Variants in GLB1L2 observed in about 807,000 individuals in gnomAD.
GLB1L2 encodes galactosidase beta 1 like 2.
Under a neutral mutation model 84.1 loss-of-function variants are expected in GLB1L2, and 68 were observed. That is an observed-to-expected ratio of 0.81 (90% CI 0.67 to 0.99). GLB1L2 has a LOEUF of 0.99. Among genes scored for constraint, GLB1L2 ranks in the 50% least tolerant of loss-of-function variants. The pLI is 0.00. For synonymous variants in GLB1L2, 290 were observed against 318.0 expected, an observed-to-expected ratio of 0.91 and a Z score of 0.94; for missense variants, 762 against 805.6, an observed-to-expected ratio of 0.95 and a Z score of 0.66.
intron 2 of GLB1L2, 56 bp downstream of exon 2, chr11:134,343,007 C>T: frequency 6.5e-7 from 1 of 1,534,946 alleles, no homozygotes; most frequent in Non-Finnish European, 8.8e-7. Flanking sequence ...CGCCTGGTGT[C>T]TGCATGCGAA....
chr11:134,347,640 G>A (rs762478062), intron 5 of GLB1L2, among the ~76,000 whole-genome samples: 96 of 152,298 alleles, frequency 6.3e-4, no homozygotes, highest in Non-Finnish European at 1.2e-3. Context: ...ACTTGGGTGC[G>A]TTACTGAAAG....
chr11:134,341,677 G>T (rs143482990), intron 1 of GLB1L2, among the ~76,000 whole-genome samples: 1 of 152,332 alleles, frequency 6.6e-6, no homozygotes, highest in East Asian at 1.9e-4. Flanking sequence ...GTAGGAAGGA[G>T]TAGGTAAAAA....
Position 134,364,391 on chromosome 11 carries a change from AC to A in GLB1L2, c.798del (p.Asn266LysfsTer10), listed in dbSNP as rs1463001140. On this transcript the variant is annotated frameshift_variant, in exon 8 of 19. Transcript: ENST00000535456. LOFTEE classifies it high-confidence loss of function. ...CAGCTACTGACCACCTTTCTCTTCA[AC>A]GTCCAGGTAAGTCCAGCCCCAGGGA... ...ELQLLTTFLF[N>X]VQGTQPKMVM... 6.2e-7 allele frequency: 1 copy of A among 1,613,782 alleles called. No homozygotes were observed. Among genetic ancestry groups the A allele is most frequent in the Non-Finnish European group, 8.5e-7 (1 of 1,179,712 alleles).
chr11:134,370,160 G>T lies in GLB1L2; in HGVS notation c.1109-133G>T. On this transcript the variant is annotated intron_variant, in intron 11 of 18. Coordinates refer to ENST00000535456, the MANE Select transcript of GLB1L2 (RefSeq NM_001370461.1). This position sits in a 1 kb window ranked among gnomAD's most constrained non-coding sequence, Gnocchi z 4.7. ...CCTCCCTGGCCTCAGCAGGTGCTGA[G>T]AGCTAGCCTGTTGTTCCTCTTGGTG... 1.2e-6 allele frequency: 1 copy of T among 825,628 alleles called. No homozygotes were observed. The highest frequency in any genetic ancestry group is 1.5e-5 in the South Asian group (1 of 65,520). The allele number at this position is 825,628 out of a possible 1,614,324, so 51.1% of individuals were successfully genotyped here.
At chr11:134,366,125 G>A (rs1222003091) in intron 8 of GLB1L2, among the ~76,000 whole-genome samples, 1 of 152,220 alleles carries the variant, frequency 6.6e-6, no homozygotes, top group East Asian at 1.9e-4. Flanking sequence ...TGGCCCATGG[G>A]TGGACACCCA....
At chr11:134,332,177 G>A in intron 1 of GLB1L2, 30 bp downstream of exon 1, 3 of 1,447,428 alleles carry the variant, frequency 2.1e-6, no homozygotes, top group Non-Finnish European at 9.4e-7. Flanking sequence ...AGCACCTGCC[G>A]GACCCCACAT....
At position 134,370,192 on chromosome 11, in the gene GLB1L2, C is replaced by A; in HGVS notation, c.1109-101C>A. 4.1e-6 allele frequency: 4 copies of A among 970,884 alleles called. No individual in the cohort carries two copies. The highest frequency in any genetic ancestry group is 2.8e-5 in the South Asian group (2 of 71,404). 60.1% of individuals were successfully genotyped at this position (970,884 alleles called of 1,614,324 possible). A position where few individuals can be genotyped will look rare whatever the true frequency, so the allele number is the denominator to read the frequency against. On this transcript the variant is annotated intron_variant, in intron 11 of 18. Coordinates refer to ENST00000535456, the MANE Select transcript of GLB1L2 (RefSeq NM_001370461.1). This position sits in a 1 kb window ranked among gnomAD's most constrained non-coding sequence, Gnocchi z 4.7. Reference sequence around the variant, plus strand: ...CCTGTTGTTCCTCTTGGTGCTGGGACGCAGGAGCACATCGGGTCTGTGGAT... The same window carrying A: ...CCTGTTGTTCCTCTTGGTGCTGGGAAGCAGGAGCACATCGGGTCTGTGGAT...
At chr11:134,340,299 C>T (rs1943443456) in intron 1 of GLB1L2, among the ~76,000 whole-genome samples, 1 of 152,058 alleles carries the variant, frequency 6.6e-6, no homozygotes, top group African/African-American at 2.4e-5. Context: ...TGTGCATGTG[C>T]ATGTGTGTGT....
At position 134,370,472 on chromosome 11, in the gene GLB1L2, G is replaced by C. The variant is rs191930443; in HGVS notation, c.1215+73G>C. The C allele has an allele frequency of 7.4e-6, 9 of 1,215,982 alleles. No homozygotes were observed. The East Asian group carries it at 2.1e-4, about 28-fold the overall frequency. The allele number at this position is 1,215,982 out of a possible 1,614,324, so 75.3% of individuals were successfully genotyped here. ...GTCGTTGGCAGGGAGGTGAGTGCTG[G>C]GGGCAGTCGTCGGCGGGAGGTGAGA... On this transcript the variant is annotated intron_variant, in intron 12 of 18. Coordinates refer to ENST00000535456, the MANE Select transcript of GLB1L2 (RefSeq NM_001370461.1). The surrounding 1 kb of genome is among the most constrained non-coding windows in gnomAD (Gnocchi z 4.7).
intron 14 of GLB1L2, 96 bp downstream of exon 14, chr11:134,371,588 C>A: frequency 9.8e-7 from 1 of 1,015,552 alleles, no homozygotes; most frequent in Non-Finnish European, 1.6e-6. Context: ...ACCCGTGGCT[C>A]CTTACCCACA....
chr11:134,347,367 C>A lies in GLB1L2; in HGVS notation c.492C>A (p.Tyr164Ter). The A allele has an allele frequency of 6.2e-7, 1 of 1,614,176 alleles. No individual in the cohort carries two copies. The highest frequency in any genetic ancestry group is 1.1e-5 in the South Asian group (1 of 91,080). Residue 164 changes from tyrosine (Y) to a stop codon, truncating the protein, a stop_gained, in exon 5 of 19, where the codon TAC (tyrosine) becomes TAA (stop). Coordinates refer to ENST00000535456, the MANE Select transcript of GLB1L2 (RefSeq NM_001370461.1). LOFTEE classifies it high-confidence loss of function. ...CTGGCATGAGGCTGAGGACAACTTA[C>A]AAGGGCTTCACCGAAGCAGTGGACC... ...QDPGMRLRTT[Y>*]KGFTEAVDLY...
At chr11:134,358,809 TC>T (rs1232359983) in intron 6 of GLB1L2, among the ~76,000 whole-genome samples, 1 of 152,244 alleles carries the variant, frequency 6.6e-6, no homozygotes, top group South Asian at 2.1e-4. Flanking sequence ...ACCTTCCAGA[TC>T]CGGAGCAACC....
intron 7 of GLB1L2, chr11:134,361,608 C>T (rs764507348): frequency 1.3e-5 from 2 of 152,540 alleles, no homozygotes; most frequent in South Asian, 2.1e-4. Context: ...CCCCTGGTGC[C>T]GCTTTCTCTT....
At chr11:134,362,429 C>T (rs1259398746) in intron 7 of GLB1L2, among the ~76,000 whole-genome samples, 1 of 152,216 alleles carries the variant, frequency 6.6e-6, no homozygotes, top group Non-Finnish European at 1.5e-5. Flanking sequence ...CGCTACCCAG[C>T]AGCTTAGGAA....
intron 5 of GLB1L2, among the ~76,000 whole-genome samples, chr11:134,348,986 C>T (rs1427304588): frequency 6.6e-6 from 1 of 152,178 alleles, no homozygotes; most frequent in Non-Finnish European, 1.5e-5. Context: ...CTCTGAATAC[C>T]GTCACAGTGG....
intron 5 of GLB1L2, among the ~76,000 whole-genome samples, chr11:134,349,760 C>T (rs1943600761): frequency 6.6e-6 from 1 of 152,168 alleles, no homozygotes; most frequent in African/African-American, 2.4e-5. Context: ...GTCTTCTGCT[C>T]ATTTTTGAAT....
chr11:134,374,104 G>A, intron 16 of GLB1L2, 41 bp from the exon 17 acceptor site: 1 of 1,445,844 alleles, frequency 6.9e-7, no homozygotes, highest in Non-Finnish European at 9.7e-7. Flanking sequence ...GGTGGATTGA[G>A]AAGGGCCTCC....
At chr11:134,356,150 G>A (rs938990304) in intron 5 of GLB1L2, 151 bp from the exon 6 acceptor site, 12 of 744,028 alleles carry the variant, frequency 1.6e-5, no homozygotes, top group Non-Finnish European at 2.4e-5. Context: ...CAAGGGCCTA[G>A]TGCTTCTTCC....
At chr11:134,343,055 G>A (rs1943492419) in intron 2 of GLB1L2, 104 bp downstream of exon 2, 1 of 1,210,892 alleles carries the variant, frequency 8.3e-7, no homozygotes, top group Non-Finnish European at 1.1e-6. Context: ...CTCTGCCCAG[G>A]GCGAGAGAGC....
Sources: gnomAD v4.1 joint callset for allele counts (sites outside exome capture counted in the v4.1 genomes callset) on GRCh38, gnomAD v4.1.1 for gene constraint, Gnocchi (gnomAD v3.1) non-coding constraint, MANE v1.5 for transcripts, NCBI Gene and HGNC (gene_info 2026-07-23, HGNC 2026-07-21) for gene names.